Variants in SYT16 observed in about 807,000 individuals in gnomAD.
SYT16 encodes synaptotagmin 16, also known as synaptotagmin-16.
In SYT16, 42 loss-of-function variants were observed where a neutral mutation model predicts 61.4. The observed-to-expected ratio is 0.68, with a 90% confidence interval of 0.53 to 0.89. The LOEUF is 0.89. Ranked by LOEUF, SYT16 falls within the 40% of genes least tolerant of loss-of-function variation. The pLI is 0.00. For synonymous variants in SYT16, 314 were observed against 302.3 expected (o/e 1.04, Z -0.40); for missense variants, 804 against 807.3 (o/e 1.00, Z 0.05).
intron 1 of SYT16, among the ~76,000 whole-genome samples, chr14:61,817,010 C>CAAAAAA (rs1491408669): frequency 5.0e-4 from 2 of 3,968 alleles, no homozygotes; most frequent in Middle Eastern, 0.071. Context: ...GGCTCCGTCA[C>CAAAAAA]ACACACACAC....
intron 3 of SYT16, among the ~76,000 whole-genome samples, chr14:62,043,139 A>T (rs2054808529): frequency 6.9e-6 from 1 of 145,920 alleles, no homozygotes; most frequent in Non-Finnish European, 1.5e-5. Context: ...TATTTTTGAA[A>T]TTTTATTTCT....
chr14:61,907,748 G>C (rs2048778148), intron 1 of SYT16, among the ~76,000 whole-genome samples: 1 of 152,226 alleles, frequency 6.6e-6, no homozygotes, highest in African/African-American at 2.4e-5. Flanking sequence ...GAATCACACA[G>C]GTAACTCTGG....
intron 3 of SYT16, among the ~76,000 whole-genome samples, chr14:62,048,753 G>A (rs2055121572): frequency 1.3e-5 from 2 of 152,172 alleles, no homozygotes; most frequent in Non-Finnish European, 2.9e-5. Flanking sequence ...TCATTCAGGA[G>A]CAGGTTGTTC....
chr14:61,935,276 AG>A (rs1222302757), intron 1 of SYT16, among the ~76,000 whole-genome samples: 6 of 152,224 alleles, frequency 3.9e-5, no homozygotes, highest in Non-Finnish European at 1.5e-5. Flanking sequence ...TCACGCCGAC[AG>A]TGGCTCCCAT....
chr14:61,913,704 T>TTGTGTTTGTG (rs2049015628), intron 1 of SYT16, among the ~76,000 whole-genome samples: 1 of 145,758 alleles, frequency 6.9e-6, no homozygotes, highest in Admixed American at 6.8e-5. Flanking sequence ...CTTTGGGTCT[T>TTGTGTTTGTG]TGTGTGTGTG....
rs764486524 is a variant in SYT16 at position 62,080,863 on chromosome 14, A to T, written c.1023A>T (p.Pro341=). ...EEQDRTNLQV[P]SGVSEPISKC... is the part of the protein sequence containing the mutation. ...AGGACAGGACCAATTTGCAGGTGCC[A>T]TCCGGGGTCTCAGAGCCCATCTCAA... Residue 341 remains proline (P), a synonymous_variant, in exon 6 of 8, where the codon CCA becomes CCT. Coordinates refer to ENST00000683842, the MANE Select transcript of SYT16 (RefSeq NM_001367656.1). The T allele has an allele frequency of 7.5e-6, 12 of 1,602,562 alleles. No homozygotes were observed. Among genetic ancestry groups the T allele is most frequent in the Non-Finnish European group, 1.0e-5 (12 of 1,174,426 alleles).
At chr14:61,925,104 A>T (rs2049483321) in intron 1 of SYT16, among the ~76,000 whole-genome samples, 1 of 152,234 alleles carries the variant, frequency 6.6e-6, no homozygotes, top group African/African-American at 2.4e-5. Flanking sequence ...GCATAGCTAA[A>T]TGCTGGTTGT....
chr14:61,957,914 C>A (rs2050947397), intron 1 of SYT16, among the ~76,000 whole-genome samples: 1 of 151,862 alleles, frequency 6.6e-6, no homozygotes, highest in Non-Finnish European at 1.5e-5. Context: ...ACTTATGAAG[C>A]CATCTTGTCC....
intron 4 of SYT16, among the ~76,000 whole-genome samples, chr14:62,072,311 A>G (rs796912488): frequency 1.3e-5 from 2 of 152,218 alleles, no homozygotes; most frequent in South Asian, 2.1e-4. Context: ...TTGGAGAACT[A>G]GAATCAGCAG....
intron 7 of SYT16, among the ~76,000 whole-genome samples, chr14:62,092,222 A>G (rs2057108799): frequency 7.4e-6 from 1 of 135,656 alleles, no homozygotes; most frequent in Non-Finnish European, 1.6e-5. Flanking sequence ...ACACACACAC[A>G]CACACTAACA....
chr14:62,084,452 C>A (rs1392691491), intron 7 of SYT16, 67 bp downstream of exon 7: 6 of 1,491,298 alleles, frequency 4.0e-6, no homozygotes, highest in Non-Finnish European at 5.4e-6. Context: ...TGTCTGCTTT[C>A]ATCTTAGTTC....
intron 1 of SYT16, among the ~76,000 whole-genome samples, chr14:61,825,363 G>A (rs570105654): frequency 6.6e-6 from 1 of 152,302 alleles, no homozygotes; most frequent in African/African-American, 2.4e-5. Context: ...AACAAAGCCA[G>A]TTTTACCATA....
intron 7 of SYT16, among the ~76,000 whole-genome samples, chr14:62,098,162 A>G (rs897507154): frequency 2.0e-5 from 3 of 152,224 alleles, no homozygotes; most frequent in African/African-American, 4.8e-5. Context: ...CTATCTTACA[A>G]TGCTTTTGGA....
intron 1 of SYT16, among the ~76,000 whole-genome samples, chr14:61,831,150 G>A (rs1465732420): frequency 6.6e-6 from 1 of 152,198 alleles, no homozygotes; most frequent in Non-Finnish European, 1.5e-5. Flanking sequence ...AGCCAGGGAT[G>A]CTGCTGAATA....
At chr14:61,924,759 A>G (rs2049468336) in intron 1 of SYT16, among the ~76,000 whole-genome samples, 1 of 152,202 alleles carries the variant, frequency 6.6e-6, no homozygotes, top group Admixed American at 6.5e-5. Context: ...ACCTAATACA[A>G]ATAGTGTATG....
chr14:62,032,075 T>G (rs1049754884), intron 3 of SYT16, among the ~76,000 whole-genome samples: 3 of 152,070 alleles, frequency 2.0e-5, no homozygotes, highest in African/African-American at 7.2e-5. Context: ...AGAAGGAAAT[T>G]CGGTGGCTTG....
intron 6 of SYT16, among the ~76,000 whole-genome samples, chr14:62,083,470 A>T (rs1039031692): frequency 7.9e-5 from 12 of 152,112 alleles, no homozygotes; most frequent in African/African-American, 2.4e-4. Context: ...CTGGTGGGGA[A>T]GTGTAGGTGC....
At chr14:62,084,522 A>G in intron 7 of SYT16, 137 bp downstream of exon 7, 1 of 946,380 alleles carries the variant, frequency 1.1e-6, no homozygotes, top group Non-Finnish European at 1.5e-6. Context: ...ACAAAGAGAT[A>G]CCTCTGTATT....
rs1481856397 is a variant in SYT16, at chr14:62,106,333, A to G, written c.*5626A>G. 4 of 152,168 alleles carry G rather than the reference A, an allele frequency of 2.6e-5. No individual in the cohort carries two copies. The highest frequency in any genetic ancestry group is 5.9e-5 in the Non-Finnish European group (4 of 68,032). The allele number at this position is 152,168 out of a possible 1,614,324, so 9.4% of individuals were successfully genotyped here. On this transcript the variant is annotated 3_prime_UTR_variant, in exon 8 of 8. Coordinates refer to ENST00000683842, the MANE Select transcript of SYT16 (RefSeq NM_001367656.1). ...CTTGTTACTAGTATTGGAAGGTGAA[A>G]CATTGGCTGAATTTATTGGGGCAAG...
Sources: allele counts gnomAD v4.1 joint callset (sites outside exome capture counted in the v4.1 genomes callset), GRCh38; gene constraint gnomAD v4.1.1; transcripts MANE v1.5; gene names NCBI Gene and HGNC (gene_info 2026-07-23, HGNC 2026-07-21).